Variants in P2RY2 observed in about 807,000 individuals in gnomAD.
P2RY2 encodes the protein P2Y purinoceptor 2.
For synonymous variants in P2RY2, 241 were observed against 231.9 expected, an observed-to-expected ratio of 1.04 and a Z score of -0.35; for missense variants, 567 against 515.7, an observed-to-expected ratio of 1.10 and a Z score of -0.96.
intron 2 of P2RY2, among the ~76,000 whole-genome samples, chr11:73,230,837 C>T (rs574157977): frequency 1.4e-3 from 206 of 145,482 alleles, no homozygotes; most frequent in Non-Finnish European, 2.4e-3. Context: ...TGGGCTTTCT[C>T]CTGAAACAGG....
Position 73,234,264 on chromosome 11 carries a change from G to A in P2RY2, c.105G>A (p.Leu35=). ...TCAACGAGGACTTCAAGTACGTGCT[G>A]CTGCCTGTGTCCTACGGCGTGGTGT... ...CRFNEDFKYV[L]LPVSYGVVCV... The change falls in exon 3 of 3, where the codon CTG becomes CTA. Residue 35 remains leucine, a synonymous_variant. Transcript: ENST00000393597. 1 of 1,614,176 alleles carries A rather than the reference G, an allele frequency of 6.2e-7. No individual in the cohort carries two copies.
chr11:73,223,671 T>G (rs1265955227), intron 1 of P2RY2, among the ~76,000 whole-genome samples: 1 of 152,180 alleles, frequency 6.6e-6, no homozygotes, highest in East Asian at 1.9e-4. Flanking sequence ...CTCACGGTTC[T>G]TGCCTCTTGA....
Position 73,236,073 on chromosome 11 carries a change from G to T in P2RY2, c.*780G>T, listed in dbSNP as rs1044825187. 2.0e-6 allele frequency: 2 copies of T among 997,422 alleles called. No individual in the cohort carries two copies. Among genetic ancestry groups the T allele is most frequent in the African/African-American group, 1.8e-5 (1 of 57,128 alleles). 61.8% of individuals were successfully genotyped at this position (997,422 alleles called of 1,614,324 possible). On this transcript the variant is annotated 3_prime_UTR_variant, in exon 3 of 3. Transcript: ENST00000393597. ...TGTCTCAGGAGTAGTCTCATATCAG[G>T]GATCCTCTCTCCAGGCCCCAGGTCA...
chr11:73,230,924 G>T (rs990279150), intron 2 of P2RY2, among the ~76,000 whole-genome samples: 1 of 139,120 alleles, frequency 7.2e-6, no homozygotes, highest in Non-Finnish European at 1.6e-5. Context: ...GTGGGTGGGT[G>T]GGTGGGGGTG....
At position 73,235,705 on chromosome 11, in the gene P2RY2, G is replaced by C; in HGVS notation, c.*412G>C. The C allele has an allele frequency of 9.9e-7, 1 of 1,008,938 alleles. No homozygotes were observed. The allele number at this position is 1,008,938 out of a possible 1,614,324, so 62.5% of individuals were successfully genotyped here. A position where few individuals can be genotyped will look rare whatever the true frequency, so the allele number is the denominator to read the frequency against. ...AGAGTCTGGAGCTGAGCTACCTGGG[G>C]TGGGGGCCAAGTCACAGGTTGGCCA... On this transcript the variant is annotated 3_prime_UTR_variant, in exon 3 of 3. Coordinates refer to ENST00000393597, the MANE Select transcript of P2RY2 (RefSeq NM_002564.4).
intron 1 of P2RY2, among the ~76,000 whole-genome samples, chr11:73,223,673 G>A (rs1027578927): frequency 6.6e-6 from 1 of 152,184 alleles, no homozygotes; most frequent in Non-Finnish European, 1.5e-5. Context: ...CACGGTTCTT[G>A]CCTCTTGAAG....
At chr11:73,222,384 C>A (rs1277049903) in intron 1 of P2RY2, among the ~76,000 whole-genome samples, 4 of 152,042 alleles carry the variant, frequency 2.6e-5, no homozygotes, top group Non-Finnish European at 5.9e-5. Context: ...CCTCCTTGGT[C>A]TCCCTCCCTC....
At chr11:73,224,266 T>C (rs1862212279) in intron 1 of P2RY2, among the ~76,000 whole-genome samples, 1 of 152,206 alleles carries the variant, frequency 6.6e-6, no homozygotes, top group South Asian at 2.1e-4. Context: ...CTGTGCACTC[T>C]AGCCTTGCCC....
Position 73,234,698 on chromosome 11 carries a change from G to A in P2RY2, c.539G>A (p.Arg180His). 5 of 1,605,358 alleles carry A rather than the reference G, an allele frequency of 3.1e-6. No individual in the cohort carries two copies. The highest frequency in any genetic ancestry group is 4.2e-6 in the Non-Finnish European group (5 of 1,177,650). Residue 180 changes from arginine (R) to histidine (H), a missense_variant, in exon 3 of 3, where the codon CGC becomes CAC. Arg to His is a conservative substitution (Grantham distance 29). Transcript: ENST00000393597. Reference protein sequence around the residue: ...YFVTTSARGGRVTCHDTSAPE... With the variant: ...YFVTTSARGGHVTCHDTSAPE... ...GTCACCACCAGCGCGCGCGGGGGCC[G>A]CGTAACCTGCCACGACACCTCGGCA...
At chr11:73,230,997 T>C (rs1591635261) in intron 2 of P2RY2, among the ~76,000 whole-genome samples, 1 of 152,070 alleles carries the variant, frequency 6.6e-6, no homozygotes. Context: ...TGGAACGAAG[T>C]TGGCAGCAGG....
rs548963322 is a variant in P2RY2, at chr11:73,233,640, G to A, written c.-4-516G>A. 3.7e-3 allele frequency among the ~76,000 whole-genome samples: 561 copies of A among 152,368 alleles called. 2 individuals are homozygous for A. The highest frequency in any genetic ancestry group is 5.3e-3 in the Non-Finnish European group (363 of 68,034). ...ACTTCAAGTAGCTGGGACTACGGGT[G>A]TGTGCCAGCATGCCTGGCTAATTTT... On this transcript the variant is annotated intron_variant, in intron 2 of 2. Coordinates refer to ENST00000393597, the MANE Select transcript of P2RY2 (RefSeq NM_002564.4).
rs1345037576 is a variant in P2RY2 at position 73,231,562 on chromosome 11, GA to G, written c.-4-2582del. Reference sequence around the variant, plus strand: ...ATGGAGTGAGAATCTGTCTCAAAAAGAAAAAAAAAAAAGAAAGAAAAAAAGA... The same window carrying G: ...ATGGAGTGAGAATCTGTCTCAAAAAGAAAAAAAAAAAGAAAGAAAAAAAGA... On this transcript the variant is annotated intron_variant, in intron 2 of 2. Coordinates refer to ENST00000393597, the MANE Select transcript of P2RY2 (RefSeq NM_002564.4). Among the ~76,000 whole-genome samples the G allele has an allele frequency of 9.2e-3, 1,112 of 121,416 alleles. 14 individuals are homozygous for G. Among genetic ancestry groups the G allele is most frequent in the African/African-American group, 0.029 (959 of 33,114 alleles). The allele number at this position is 121,416 out of a possible 152,430, so 79.7% of individuals were successfully genotyped here.
rs1457358908 is a variant in P2RY2, at chr11:73,241,252, C to T, written c.*5959C>T. 6.6e-6 allele frequency: 1 copy of T among 152,214 alleles called. No individual in the cohort carries two copies. Among genetic ancestry groups the T allele is most frequent in the East Asian group, 1.9e-4 (1 of 5,194 alleles). The allele number at this position is 152,214 out of a possible 1,614,324, so 9.4% of individuals were successfully genotyped here. On this transcript the variant is annotated 3_prime_UTR_variant, in exon 3 of 3. Transcript: ENST00000393597. The stretch of plus-strand genomic sequence containing the variant: ...AGTCGGTGGCATTTTGTTATAGCAG[C>T]CCACGCTGACTGTGACTGAACTCAG...
At position 73,236,005 on chromosome 11, in the gene P2RY2, T is replaced by C. The variant is rs1012026528; in HGVS notation, c.*712T>C. 6 of 1,000,258 alleles carry C rather than the reference T, an allele frequency of 6.0e-6. No homozygotes were observed. The highest frequency in any genetic ancestry group is 7.2e-6 in the Non-Finnish European group (6 of 830,082). The allele number at this position is 1,000,258 out of a possible 1,614,324, so 62.0% of individuals were successfully genotyped here. ...GCTTTCACCAGCCACACAAGGGTCC[T>C]TTCTCCAATCCGTTCCCTTCTGCCA... On this transcript the variant is annotated 3_prime_UTR_variant, in exon 3 of 3. Transcript: ENST00000393597.
At position 73,237,235 on chromosome 11, in the gene P2RY2, A is replaced by G. The variant is rs1401724054; in HGVS notation, c.*1942A>G. 5 of 517,314 alleles carry G rather than the reference A, an allele frequency of 9.7e-6. No homozygotes were observed. Among genetic ancestry groups the G allele is most frequent in the Non-Finnish European group, 1.2e-5 (5 of 402,582 alleles). The allele number at this position is 517,314 out of a possible 1,614,324, so 32.0% of individuals were successfully genotyped here. On this transcript the variant is annotated 3_prime_UTR_variant, in exon 3 of 3. Transcript: ENST00000393597. ...TTCTATACTTCTGTTAATGTAGCCG[A>G]TGTCCTTCTGAGTTTTTTTTTTCTT...
In P2RY2 at chr11:73,236,656, G is replaced by A; in HGVS notation, c.*1363G>A. 1 of 985,428 alleles carries A rather than the reference G, an allele frequency of 1.0e-6. No homozygotes were observed. The highest frequency in any genetic ancestry group is 1.2e-6 in the Non-Finnish European group (1 of 829,926). 61.0% of individuals were successfully genotyped at this position (985,428 alleles called of 1,614,324 possible). ...TGGGTCACAAGGAGGCCAAGTTAGG[G>A]CTCCCTCCTTGCCCTGACCCTGAGG... On this transcript the variant is annotated 3_prime_UTR_variant, in exon 3 of 3. Transcript: ENST00000393597.
At chr11:73,225,054 T>C (rs1012739330) in intron 1 of P2RY2, among the ~76,000 whole-genome samples, 1 of 152,188 alleles carries the variant, frequency 6.6e-6, no homozygotes, top group Non-Finnish European at 1.5e-5. Context: ...CACTAGGTCC[T>C]CTGTTTTCCC....
chr11:73,224,388 G>A (rs369687018), intron 1 of P2RY2, among the ~76,000 whole-genome samples: 30 of 152,094 alleles, frequency 2.0e-4, no homozygotes, highest in Admixed American at 9.2e-4. Flanking sequence ...CTGACTCCTC[G>A]TCTTCCAAAA....
At position 73,234,690 on chromosome 11, in the gene P2RY2, CG is replaced by C; in HGVS notation, c.536del (p.Gly179AlafsTer3). ...TCTACTTTGTCACCACCAGCGCGCGCGGGGGCCGCGTAACCTGCCACGACAC... is the reference window on the plus strand; with the variant it reads ...TCTACTTTGTCACCACCAGCGCGCGCGGGGCCGCGTAACCTGCCACGACAC... ...VLYFVTTSAR[G>X]GRVTCHDTSA... On this transcript the variant is annotated frameshift_variant, in exon 3 of 3. Transcript: ENST00000393597. LOFTEE classifies it low-confidence loss of function (END_TRUNC). 6.2e-7 allele frequency: 1 copy of C among 1,603,556 alleles called. No individual in the cohort carries two copies.
Sources: gnomAD v4.1 joint callset for allele counts (sites outside exome capture counted in the v4.1 genomes callset) on GRCh38, gnomAD v4.1.1 for gene constraint, MANE v1.5 for transcripts, NCBI Gene and HGNC (gene_info 2026-07-23, HGNC 2026-07-21) for gene names.